The following ATP8A2 variants were observed in gnomAD, a reference collection of about 807,000 sequenced individuals.
ATP8A2 encodes ATPase phospholipid transporting 8A2.
In ATP8A2, 100 loss-of-function variants were observed where a neutral mutation model predicts 165.6. The ratio of observed to expected loss-of-function variants is 0.60; its 90% CI spans 0.51 to 0.71. ATP8A2 has a LOEUF of 0.71. ATP8A2 is among the 30% of genes least tolerant of loss of function. The pLI, the probability that ATP8A2 is intolerant of heterozygous loss-of-function variation, is 0.00. For missense variants in ATP8A2, 1,227 were observed against 1,479.5 expected, an observed-to-expected ratio of 0.83 and a Z score of 2.80; for synonymous variants, 543 against 548.8, an observed-to-expected ratio of 0.99 and a Z score of 0.15.
chr13:25,883,265 T>C (rs1179882469), intron 33 of ATP8A2, among the ~76,000 whole-genome samples: 1 of 151,882 alleles, frequency 6.6e-6, no homozygotes, highest in East Asian at 1.9e-4. Flanking sequence ...TATGAAAAAA[T>C]ACAAATTAGC....
intron 30 of ATP8A2, among the ~76,000 whole-genome samples, chr13:25,854,028 C>CT (rs1251953226): frequency 6.6e-6 from 1 of 152,138 alleles, no homozygotes; most frequent in Non-Finnish European, 1.5e-5. Flanking sequence ...GAGAGCAGGG[C>CT]TGTTATTGGG....
At chr13:25,622,027 A>G (rs1403503737) in intron 24 of ATP8A2, among the ~76,000 whole-genome samples, 1 of 151,986 alleles carries the variant, frequency 6.6e-6, no homozygotes, top group Non-Finnish European at 1.5e-5. Context: ...AGACAGTACT[A>G]AAAAACATCT....
At chr13:25,517,488 G>T (rs1428144343) in intron 2 of ATP8A2, among the ~76,000 whole-genome samples, 1 of 152,184 alleles carries the variant, frequency 6.6e-6, no homozygotes, top group East Asian at 1.9e-4. Context: ...TTGAGTAATA[G>T]AACAGATTTG....
At chr13:25,463,108 G>T (rs1232156296) in intron 1 of ATP8A2, among the ~76,000 whole-genome samples, 2 of 139,908 alleles carry the variant, frequency 1.4e-5, no homozygotes, top group African/African-American at 5.3e-5. Flanking sequence ...GGAAGATGAA[G>T]GTATTTCTTT....
Position 25,885,105 on chromosome 13 carries a change from CTT to C in ATP8A2, c.3183+22720_3183+22721del, listed in dbSNP as rs869044168. Among the ~76,000 whole-genome samples the C allele has an allele frequency of 1.1e-3, 95 of 88,576 alleles. 1 individual carries two copies. Among genetic ancestry groups the C allele is most frequent in the African/African-American group, 4.0e-3 (88 of 22,218 alleles). The allele number at this position is 88,576 out of a possible 152,430, so 58.1% of individuals were successfully genotyped here. A position where few individuals can be genotyped will look rare whatever the true frequency, so the allele number is the denominator to read the frequency against. On this transcript the variant is annotated intron_variant, in intron 33 of 36. Transcript: ENST00000381655. ...AGAGTCAGTCTCCTTTCTCCGCTTGCTTTTTTTTTTTTTTTTTTTTTTTTGAG... is the reference window on the plus strand; with the variant it reads ...AGAGTCAGTCTCCTTTCTCCGCTTGCTTTTTTTTTTTTTTTTTTTTTTGAG...
chr13:25,372,149 C>A lies in ATP8A2; in HGVS notation c.-64C>A. ...CATGGTCCTCGGGCGGCGGCCCCTG[C>A]GCCCAGCCCTGCGCGTAGCCTCCGT... On this transcript the variant is annotated 5_prime_UTR_variant, in exon 1 of 37. Transcript: ENST00000381655. This position sits in a 1 kb window ranked among gnomAD's most constrained non-coding sequence, Gnocchi z 4.8. 5.1e-6 allele frequency: 6 copies of A among 1,183,400 alleles called. No homozygotes were observed. Among genetic ancestry groups the A allele is most frequent in the South Asian group, 5.1e-5 (2 of 39,468 alleles). 73.3% of individuals were successfully genotyped at this position (1,183,400 alleles called of 1,614,324 possible).
At chr13:25,473,508 A>G (rs1234676118) in intron 2 of ATP8A2, among the ~76,000 whole-genome samples, 2 of 152,174 alleles carry the variant, frequency 1.3e-5, no homozygotes, top group African/African-American at 4.8e-5. Flanking sequence ...GTGTACAATC[A>G]TATCTCCTTT....
At chr13:25,585,309 C>T (rs751088696) in intron 23 of ATP8A2, among the ~76,000 whole-genome samples, 2 of 152,238 alleles carry the variant, frequency 1.3e-5, no homozygotes, top group South Asian at 2.1e-4. Context: ...TTGTGAATTT[C>T]GTAGTGGTCA....
At chr13:25,426,584 ACTTGT>A (rs1212980308) in intron 1 of ATP8A2, among the ~76,000 whole-genome samples, 4 of 152,178 alleles carry the variant, frequency 2.6e-5, no homozygotes, top group Non-Finnish European at 5.9e-5. Flanking sequence ...GTCATTATAC[ACTTGT>A]CCAGACCATA....
intron 24 of ATP8A2, among the ~76,000 whole-genome samples, chr13:25,676,952 T>C (rs2042385025): frequency 1.3e-5 from 2 of 152,228 alleles, no homozygotes. Flanking sequence ...CTTCTTTTTT[T>C]GTTTTTCTTT....
chr13:25,381,589 C>T (rs1464347263), intron 1 of ATP8A2, among the ~76,000 whole-genome samples: 1 of 152,152 alleles, frequency 6.6e-6, no homozygotes, highest in Non-Finnish European at 1.5e-5. Context: ...TGATAATAAA[C>T]ACAGTGATGG....
At chr13:25,813,273 G>A (rs1228489726) in intron 27 of ATP8A2, among the ~76,000 whole-genome samples, 2 of 152,080 alleles carry the variant, frequency 1.3e-5, no homozygotes, top group Non-Finnish European at 1.5e-5. Flanking sequence ...GGAGAGCCAG[G>A]ATGTTAGCCA....
chr13:25,738,061 G>A (rs562517094), intron 25 of ATP8A2, among the ~76,000 whole-genome samples: 88 of 151,732 alleles, frequency 5.8e-4, no homozygotes, highest in Non-Finnish European at 9.8e-4. Flanking sequence ...TGAAGACCAC[G>A]TCGTACATTA....
intron 2 of ATP8A2, among the ~76,000 whole-genome samples, chr13:25,471,098 C>T (rs764189069): frequency 6.6e-6 from 1 of 152,170 alleles, no homozygotes; most frequent in Non-Finnish European, 1.5e-5. Flanking sequence ...CATTTCTTTA[C>T]ACCTTCTCGC....
intron 27 of ATP8A2, among the ~76,000 whole-genome samples, chr13:25,791,694 A>C (rs1200946981): frequency 6.6e-6 from 1 of 152,098 alleles, no homozygotes; most frequent in Non-Finnish European, 1.5e-5. Context: ...AAGCCTATTC[A>C]TCATCCTCCC....
chr13:25,469,217 G>T, intron 2 of ATP8A2, 96 bp downstream of exon 2: 1 of 1,455,982 alleles, frequency 6.9e-7, no homozygotes, highest in Non-Finnish European at 9.3e-7. Context: ...CACCTGGCCG[G>T]CCCCCGTCCA....
intron 1 of ATP8A2, among the ~76,000 whole-genome samples, chr13:25,405,636 AG>A (rs760968678): frequency 1.2e-4 from 19 of 152,310 alleles, no homozygotes; most frequent in Non-Finnish European, 2.1e-4. Context: ...TCTCCAGGAG[AG>A]TTTGACAAAC....
intron 33 of ATP8A2, among the ~76,000 whole-genome samples, chr13:25,901,300 G>A (rs1473484614): frequency 2.0e-5 from 3 of 151,574 alleles, no homozygotes; most frequent in East Asian, 1.9e-4. Context: ...TTGAAGAGGC[G>A]AAAAAAGGAA....
At chr13:25,677,533 C>A (rs1466401975) in intron 24 of ATP8A2, among the ~76,000 whole-genome samples, 2 of 151,440 alleles carry the variant, frequency 1.3e-5, no homozygotes, top group African/African-American at 2.4e-5. Context: ...ACATTTAATT[C>A]CCTTCTGAAG....
Sources: gnomAD v4.1 joint callset for allele counts (sites outside exome capture counted in the v4.1 genomes callset) on GRCh38, gnomAD v4.1.1 for gene constraint, Gnocchi (gnomAD v3.1) non-coding constraint, MANE v1.5 for transcripts, NCBI Gene and HGNC (gene_info 2026-07-23, HGNC 2026-07-21) for gene names.